The following PKP4 variants were observed in gnomAD, a reference collection of about 807,000 sequenced individuals.
The protein encoded by PKP4 is plakophilin 4.
A neutral mutation model predicts 145.1 loss-of-function variants in PKP4; 90 were observed. The observed-to-expected ratio is 0.62, with a 90% CI of 0.52 to 0.74. PKP4 has a LOEUF of 0.74. PKP4 is among the 30% of genes least tolerant of loss of function. PKP4 has a pLI of 0.00. For synonymous variants in PKP4, 563 were observed against 577.2 expected (o/e 0.98, Z 0.35); for missense variants, 1,340 against 1,482.7 (o/e 0.90, Z 1.58).
At chr2:158,469,321 C>A (rs1238555690) in intron 1 of PKP4, among the ~76,000 whole-genome samples, 2 of 152,030 alleles carry the variant, frequency 1.3e-5, no homozygotes, top group Non-Finnish European at 2.9e-5. Flanking sequence ...AACTCCTGAC[C>A]TCAGGTGATC....
At position 158,586,579 on chromosome 2, in the gene PKP4, A is replaced by G. The variant is rs140876569; in HGVS notation, c.245+9196A>G. ...ATTACCGGAAACCCTCGGGATCTCT[A>G]TGGTGAATATTTATTAAATTGATGC... On this transcript the variant is annotated intron_variant, in intron 3 of 21. Coordinates refer to ENST00000389759, the MANE Select transcript of PKP4 (RefSeq NM_003628.6). 3.9e-4 allele frequency among the ~76,000 whole-genome samples: 60 copies of G among 152,354 alleles called. No homozygotes were observed. The East Asian group carries it at 9.6e-3, about 25-fold the overall frequency.
Position 158,669,925 on chromosome 2 carries a change from C to A in PKP4, c.2924+10C>A, listed in dbSNP as rs371007095. ...AAGGCAGGGGCGACAGGCAAGTCTG[C>A]GGCAAGGAGGTGCAAGCAGTGCTCT... On this transcript the variant is annotated intron_variant, in intron 17 of 21. Transcript: ENST00000389759. 14 of 1,600,140 alleles carry A rather than the reference C, an allele frequency of 8.7e-6. No homozygotes were observed. The African/African-American group carries it at 1.9e-4, about 21-fold the overall frequency.
chr2:158,590,402 T>C (rs926518332), intron 3 of PKP4, among the ~76,000 whole-genome samples: 1 of 139,556 alleles, frequency 7.2e-6, no homozygotes, highest in East Asian at 2.2e-4. Flanking sequence ...TGGAGAAAAA[T>C]AATAGCCAGT....
At chr2:158,530,242 A>G (rs927214194) in intron 1 of PKP4, among the ~76,000 whole-genome samples, 2 of 152,148 alleles carry the variant, frequency 1.3e-5, no homozygotes, top group Non-Finnish European at 2.9e-5. Flanking sequence ...ATCTCACCCA[A>G]GATCTGTGTC....
intron 1 of PKP4, among the ~76,000 whole-genome samples, chr2:158,498,503 G>T (rs1240034781): frequency 1.3e-5 from 2 of 152,152 alleles, no homozygotes; most frequent in Non-Finnish European, 2.9e-5. Context: ...TTCCAAAAAG[G>T]TTAACTGTGT....
intron 2 of PKP4, among the ~76,000 whole-genome samples, chr2:158,564,376 T>C (rs1230246376): frequency 3.3e-5 from 5 of 152,206 alleles, no homozygotes; most frequent in Non-Finnish European, 7.3e-5. Context: ...AAGGATATAG[T>C]ATGCTGTAGA....
rs143322313 is a variant in PKP4, at chr2:158,661,460, G to A, written c.2211+10G>A. The A allele has an allele frequency of 5.2e-5, 81 of 1,563,218 alleles. No individual in the cohort carries two copies. The highest frequency in any genetic ancestry group is 6.7e-5 in the East Asian group (3 of 44,526). ...CGATTACGACAGCAAGGTCAGTGCC[G>A]GCCTGGTTGCAGGAGGGCGTGGTGG... On this transcript the variant is annotated intron_variant, in intron 13 of 21. Transcript: ENST00000389759.
At chr2:158,627,662 T>TATATATATATAC in intron 7 of PKP4, among the ~76,000 whole-genome samples, 1 of 150,930 alleles carries the variant, frequency 6.6e-6, no homozygotes, top group Admixed American at 6.6e-5. Flanking sequence ...TATATATATA[T>TATATATATATAC]ATACTCTAAA....
intron 1 of PKP4, among the ~76,000 whole-genome samples, chr2:158,493,477 C>G (rs1467295747): frequency 6.6e-6 from 1 of 152,156 alleles, no homozygotes; most frequent in South Asian, 2.1e-4. Context: ...CATGTGGTTA[C>G]CCTAGCAGCT....
At chr2:158,675,630 A>T (rs1329972896) in intron 19 of PKP4, among the ~76,000 whole-genome samples, 3 of 152,146 alleles carry the variant, frequency 2.0e-5, no homozygotes, top group Admixed American at 2.0e-4. Flanking sequence ...CTAGTGTGGG[A>T]TCTGCTTCCG....
chr2:158,459,822 A>T (rs948923682), intron 1 of PKP4, among the ~76,000 whole-genome samples: 1 of 152,124 alleles, frequency 6.6e-6, no homozygotes, highest in African/African-American at 2.4e-5. Context: ...CGACACACAC[A>T]CACACGATTG....
intron 4 of PKP4, among the ~76,000 whole-genome samples, chr2:158,615,501 C>T (rs2051517324): frequency 6.6e-6 from 1 of 152,052 alleles, no homozygotes; most frequent in African/African-American, 2.4e-5. Context: ...GTAGCTGTGA[C>T]ATCTGTATTT....
At chr2:158,537,165 C>T (rs983490067) in intron 2 of PKP4, among the ~76,000 whole-genome samples, 1 of 152,206 alleles carries the variant, frequency 6.6e-6, no homozygotes, top group African/African-American at 2.4e-5. Flanking sequence ...AGTCTCACAG[C>T]ACCTAGAAAA....
At chr2:158,542,983 G>GAATTT (rs2044658048) in intron 2 of PKP4, among the ~76,000 whole-genome samples, 3 of 152,078 alleles carry the variant, frequency 2.0e-5, no homozygotes, top group Non-Finnish European at 4.4e-5. Context: ...TCTATAAGTG[G>GAATTT]TAGATTTTCT....
chr2:158,516,488 A>C (rs1015658353), intron 1 of PKP4, among the ~76,000 whole-genome samples: 10 of 152,200 alleles, frequency 6.6e-5, no homozygotes, highest in African/African-American at 2.4e-4. Context: ...TGTATAATTT[A>C]AATAGAAATC....
At chr2:158,503,062 C>T (rs949282421) in intron 1 of PKP4, among the ~76,000 whole-genome samples, 4 of 152,158 alleles carry the variant, frequency 2.6e-5, no homozygotes, top group Non-Finnish European at 4.4e-5. Context: ...TAGGAACCTC[C>T]CCTTGGAGGA....
intron 1 of PKP4, among the ~76,000 whole-genome samples, chr2:158,459,408 T>TG (rs774278927): frequency 1.3e-5 from 2 of 152,162 alleles, no homozygotes; most frequent in Non-Finnish European, 2.9e-5. Flanking sequence ...ACACCTACTT[T>TG]GTGTAGATCA....
At chr2:158,619,745 CA>C (rs1191427487) in intron 4 of PKP4, among the ~76,000 whole-genome samples, 1 of 152,156 alleles carries the variant, frequency 6.6e-6, no homozygotes, top group Admixed American at 6.5e-5. Flanking sequence ...TACTCTGCAC[CA>C]TCCTAGACAC....
At chr2:158,617,713 A>G (rs182407855) in intron 4 of PKP4, among the ~76,000 whole-genome samples, 6 of 152,364 alleles carry the variant, frequency 3.9e-5, no homozygotes, top group Admixed American at 1.3e-4. Flanking sequence ...ATGTCTGTGC[A>G]TATATAGGTT....
Sources: gnomAD v4.1 joint callset for allele counts (sites outside exome capture counted in the v4.1 genomes callset) on GRCh38, gnomAD v4.1.1 for gene constraint, MANE v1.5 for transcripts, NCBI Gene and HGNC (gene_info 2026-07-23, HGNC 2026-07-21) for gene names.